The following RERE variants were observed in gnomAD, a reference collection of about 807,000 sequenced individuals.
The protein encoded by RERE is arginine-glutamic acid dipeptide repeats.
In RERE, 40 loss-of-function variants were observed where a neutral mutation model predicts 146.1. The ratio of observed to expected loss-of-function variants is 0.27; its 90% CI spans 0.21 to 0.36. RERE has a LOEUF of 0.36. Ranked by LOEUF, RERE falls within the 10% of genes least tolerant of loss-of-function variation. The probability of loss-of-function intolerance (pLI) is 1.00; values close to 1 mark genes in which losing one functional copy is unlikely to be tolerated. For missense variants in RERE, 1,933 were observed against 2,138.7 expected (o/e 0.90, Z 1.90); for synonymous variants, 1,003 against 866.0 (o/e 1.16, Z -2.78).
chr1:8,385,186 A>G lies in RERE; in HGVS notation c.1285-19212T>C, dbSNP rs1642593662. ...TTCTAATTGTATCTTAGAATTTAAC[A>G]TGTTCACTGTCTAAAATCAAAATGA... On this transcript the variant is annotated intron_variant, in intron 12 of 22. Coordinates refer to ENST00000400908, the MANE Select transcript of RERE (RefSeq NM_001042681.2). Among the ~76,000 whole-genome samples the G allele has an allele frequency of 1.3e-5, 2 of 152,260 alleles. 1 individual carries two copies. Among genetic ancestry groups the G allele is most frequent in the South Asian group, 4.1e-4 (2 of 4,836 alleles).
At chr1:8,545,982 C>CTTTTCT (rs1645855274) in intron 6 of RERE, among the ~76,000 whole-genome samples, 1 of 69,466 alleles carries the variant, frequency 1.4e-5, no homozygotes, top group South Asian at 6.4e-4. Context: ...CATACCCAGT[C>CTTTTCT]TTTTTTTTTT....
chr1:8,423,065 G>A lies in RERE; in HGVS notation c.1204-258C>T. On this transcript the variant is annotated intron_variant, in intron 11 of 22. Transcript: ENST00000400908. The surrounding 1 kb of genome is among the most constrained non-coding windows in gnomAD (Gnocchi z 5.4). ...TAAGAGAAGGACGTCCTGCGTCTGAGGCTAAGAAGCAATCTGTCCCCCTCT... is the reference window on the plus strand; with the variant it reads ...TAAGAGAAGGACGTCCTGCGTCTGAAGCTAAGAAGCAATCTGTCCCCCTCT... The A allele has an allele frequency of 2.2e-6, 1 of 457,290 alleles. No homozygotes were observed. The highest frequency in any genetic ancestry group is 4.0e-6 in the Non-Finnish European group (1 of 247,618). 28.3% of individuals were successfully genotyped at this position (457,290 alleles called of 1,614,324 possible). A position where few individuals can be genotyped will look rare whatever the true frequency, so the allele number is the denominator to read the frequency against.
At chr1:8,530,462 C>T (rs1268518058) in intron 7 of RERE, among the ~76,000 whole-genome samples, 2 of 151,886 alleles carry the variant, frequency 1.3e-5, no homozygotes, top group African/African-American at 4.8e-5. Flanking sequence ...ATGTCTACAA[C>T]GTTGTATTCA....
rs1024207113 is a variant in RERE at position 8,660,106 on chromosome 1, A to G, written c.-144-3665T>C. On this transcript the variant is annotated intron_variant, in intron 1 of 22. Transcript: ENST00000400908. Reference sequence around the variant, plus strand: ...ACCATATCATTTATATATTAATGACATATTTATATAACCAACTTTCAGATA... The same window carrying G: ...ACCATATCATTTATATATTAATGACGTATTTATATAACCAACTTTCAGATA... Among the ~76,000 whole-genome samples, 3 of 152,086 alleles carry G rather than the reference A, an allele frequency of 2.0e-5. No individual in the cohort carries two copies. The South Asian group carries it at 6.2e-4, about 31-fold the overall frequency.
At chr1:8,368,706 C>T (rs967693790) in intron 12 of RERE, among the ~76,000 whole-genome samples, 3 of 152,078 alleles carry the variant, frequency 2.0e-5, no homozygotes, top group African/African-American at 7.2e-5. Flanking sequence ...TCAATTATTT[C>T]TATTTATCAA....
At chr1:8,387,954 A>C (rs935416735) in intron 12 of RERE, among the ~76,000 whole-genome samples, 35 of 152,226 alleles carry the variant, frequency 2.3e-4, no homozygotes, top group Admixed American at 4.6e-4. Flanking sequence ...TGTGTGCAAG[A>C]AAGTTTACAG....
At chr1:8,666,530 C>T (rs560649204) in intron 1 of RERE, among the ~76,000 whole-genome samples, 1 of 152,322 alleles carries the variant, frequency 6.6e-6, no homozygotes, top group South Asian at 2.1e-4. Context: ...ATTTTCCTTT[C>T]CTGTTGCCTT....
rs113946011 is a variant in RERE, at chr1:8,676,792, C to T, written c.-144-20351G>A. ...GTCACTAACTTGAACTGGAGGAAAA[C>T]GTCTGAGGCAGTTCTGTGAATCTTT... On this transcript the variant is annotated intron_variant, in intron 1 of 22. Coordinates refer to ENST00000400908, the MANE Select transcript of RERE (RefSeq NM_001042681.2). 4.1e-3 allele frequency among the ~76,000 whole-genome samples: 623 copies of T among 152,326 alleles called. 1 individual carries two copies. Among genetic ancestry groups the T allele is most frequent in the Non-Finnish European group, 7.2e-3 (491 of 68,026 alleles).
intron 11 of RERE, among the ~76,000 whole-genome samples, chr1:8,461,416 C>G (rs1316401661): frequency 6.6e-6 from 1 of 152,172 alleles, no homozygotes; most frequent in East Asian, 1.9e-4. Context: ...TAAAGCTTCA[C>G]AAACTGACCT....
chr1:8,537,903 G>C (rs1645747842), intron 7 of RERE, among the ~76,000 whole-genome samples: 1 of 152,250 alleles, frequency 6.6e-6, no homozygotes, highest in South Asian at 2.1e-4. Context: ...ATTTAAAAAG[G>C]ATCTATGCAA....
intron 7 of RERE, among the ~76,000 whole-genome samples, chr1:8,534,554 A>G (rs1645699765): frequency 6.6e-6 from 1 of 152,238 alleles, no homozygotes; most frequent in Admixed American, 6.5e-5. Context: ...GAGCACACTT[A>G]GCACCAAATC....
At chr1:8,547,706 A>G (rs1645882272) in intron 6 of RERE, among the ~76,000 whole-genome samples, 1 of 152,222 alleles carries the variant, frequency 6.6e-6, no homozygotes, top group Non-Finnish European at 1.5e-5. Flanking sequence ...ACTTGTAAAA[A>G]TTTAAAAAGA....
chr1:8,385,985 AAAAAAAAAATATAT>A (rs1642632734), intron 12 of RERE, among the ~76,000 whole-genome samples: 1 of 37,568 alleles, frequency 2.7e-5, no homozygotes, highest in East Asian at 4.8e-4. Context: ...AAAAAAAAAA[AAAAAAAAAATATAT>A]ATATATATAT....
At chr1:8,761,749 C>T (rs1352445965) in intron 1 of RERE, among the ~76,000 whole-genome samples, 3 of 152,144 alleles carry the variant, frequency 2.0e-5, no homozygotes, top group East Asian at 1.9e-4. Flanking sequence ...GAAACTCCCC[C>T]GTCTCTACTA....
At chr1:8,761,995 A>G (rs1201970497) in intron 1 of RERE, among the ~76,000 whole-genome samples, 1 of 152,222 alleles carries the variant, frequency 6.6e-6, no homozygotes, top group African/African-American at 2.4e-5. Flanking sequence ...TCTTCCTTTC[A>G]TGACATACTA....
rs147783194 is a variant in RERE, at chr1:8,586,657, C to T, written c.522+27904G>A. ...GACTCAGACAGACTTCAGCTGGAGA[C>T]CAGATGCCACAGATGCACTATATGA... On this transcript the variant is annotated intron_variant, in intron 4 of 22. Transcript: ENST00000400908. Among the ~76,000 whole-genome samples the T allele has an allele frequency of 2.8e-3, 427 of 152,242 alleles. 3 individuals carry two copies. The highest frequency in any genetic ancestry group is 0.01 in the African/African-American group (416 of 41,546).
At chr1:8,788,704 AAAG>A (rs1172103012) in intron 1 of RERE, among the ~76,000 whole-genome samples, 3 of 151,088 alleles carry the variant, frequency 2.0e-5, no homozygotes, top group East Asian at 1.9e-4. Context: ...TGATAGTAAC[AAAG>A]AAGTCCAACC....
intron 11 of RERE, among the ~76,000 whole-genome samples, chr1:8,439,426 G>C (rs921837773): frequency 6.6e-6 from 1 of 152,212 alleles, no homozygotes; most frequent in Non-Finnish European, 1.5e-5. Flanking sequence ...AGGAGAGCTG[G>C]TGTGTGGAGG....
chr1:8,770,488 G>A (rs1640926727), intron 1 of RERE, among the ~76,000 whole-genome samples: 1 of 152,098 alleles, frequency 6.6e-6, no homozygotes, highest in Non-Finnish European at 1.5e-5. Flanking sequence ...GCACAGTCTC[G>A]AGAAGCAGAC....
Sources: gnomAD v4.1 joint callset for allele counts (sites outside exome capture counted in the v4.1 genomes callset) on GRCh38, gnomAD v4.1.1 for gene constraint, Gnocchi (gnomAD v3.1) non-coding constraint, MANE v1.5 for transcripts, NCBI Gene and HGNC (gene_info 2026-07-23, HGNC 2026-07-21) for gene names.